PLCB3: variants seen among roughly 807,000 people sequenced by gnomAD.
The protein encoded by PLCB3 is 1-phosphatidylinositol 4,5-bisphosphate phosphodiesterase beta-3.
A neutral mutation model predicts 152.1 loss-of-function variants in PLCB3; 54 were observed. That is an observed-to-expected ratio of 0.36 (90% confidence interval 0.29 to 0.45). The LOEUF (loss-of-function observed/expected upper bound fraction) is 0.45. Among genes scored for constraint, PLCB3 ranks in the 20% least tolerant of loss-of-function variants. The pLI, the probability that PLCB3 is intolerant of heterozygous loss-of-function variation, is 1.00. For synonymous variants in PLCB3, 717 were observed against 698.7 expected, an observed-to-expected ratio of 1.03 and a Z score of -0.41; for missense variants, 1,248 against 1,687.5, an observed-to-expected ratio of 0.74 and a Z score of 4.56.
intron 24 of PLCB3, 26 bp downstream of exon 24, chr11:64,265,253 G>C: frequency 6.3e-7 from 1 of 1,592,052 alleles, no homozygotes; most frequent in South Asian, 1.1e-5. Context: ...CCTGGAGGCA[G>C]GGGGCTGCCT....
chr11:64,256,302 C>T, intron 8 of PLCB3, 74 bp from the exon 9 acceptor site: 1 of 1,436,244 alleles, frequency 7.0e-7, no homozygotes, highest in Non-Finnish European at 9.5e-7. Context: ...ACTCCCTTGC[C>T]CAGGGCAAGG....
chr11:64,262,576 C>T lies in PLCB3; in HGVS notation c.2193+15C>T, dbSNP rs745595911. The stretch of plus-strand genomic sequence containing the variant: ...TGCGGGTCAAGGTGGGGCTTGCGGG[C>T]GGCTCAGGCCAGGGGTGTCCTGGGG... On this transcript the variant is annotated intron_variant, in intron 18 of 30. Coordinates refer to ENST00000279230, the MANE Select transcript of PLCB3 (RefSeq NM_000932.5). 3.5e-5 allele frequency: 56 copies of T among 1,612,536 alleles called. No homozygotes were observed. The South Asian group carries it at 4.5e-4, about 13-fold the overall frequency.
intron 13 of PLCB3, 85 bp from the exon 14 acceptor site, chr11:64,259,944 C>G (rs1322602386): frequency 8.8e-7 from 1 of 1,140,498 alleles, no homozygotes; most frequent in Non-Finnish European, 1.3e-6. Context: ...TGAGTCACCT[C>G]GGCACACACT....
Position 64,262,432 on chromosome 11 carries a change from C to A in PLCB3, c.2064C>A (p.Gly688=), listed in dbSNP as rs561207684. 1 of 1,613,534 alleles carries A rather than the reference C, an allele frequency of 6.2e-7. No homozygotes were observed. The highest frequency in any genetic ancestry group is 8.5e-7 in the Non-Finnish European group (1 of 1,179,858). Residue 688 remains glycine, a synonymous_variant, in exon 18 of 31, where the codon GGC becomes GGA. Coordinates refer to ENST00000279230, the MANE Select transcript of PLCB3 (RefSeq NM_000932.5). ...ATGTGGCGATGCAGCTCAACGCGGG[C>A]GTTTTTGAGTACAACGGGCGCAGCG... ...TLDVAMQLNA[G]VFEYNGRSGY...
At chr11:64,268,534 C>T (rs2032254783), downstream of PLCB3, 1 of 152,318 alleles carries the variant, frequency 6.6e-6, no homozygotes, top group Non-Finnish European at 1.5e-5. Flanking sequence ...AGCCATCTGT[C>T]GTGTGCTAGG....
chr11:64,254,698 C>G, intron 2 of PLCB3, 50 bp from the exon 3 acceptor site: 2 of 1,583,952 alleles, frequency 1.3e-6, no homozygotes, highest in African/African-American at 1.3e-5. Flanking sequence ...AAGCTCCTGG[C>G]TATTGCCCTG....
At position 64,259,264 on chromosome 11, in the gene PLCB3, G is replaced by C; in HGVS notation, c.1525+20G>C. ...AGCTGGGTAGGCCCCAGCCCGGCCC[G>C]CCACCCTGACTTGACCCTAGCCTCT... On this transcript the variant is annotated intron_variant, in intron 13 of 30. Transcript: ENST00000279230. 3 of 1,485,904 alleles carry C rather than the reference G, an allele frequency of 2.0e-6. No individual in the cohort carries two copies. The allele number at this position is 1,485,904 out of a possible 1,614,324, so 92.0% of individuals were successfully genotyped here. A position where few individuals can be genotyped will look rare whatever the true frequency, so the allele number is the denominator to read the frequency against.
chr11:64,263,740 G>A lies in PLCB3; in HGVS notation c.2505G>A (p.Leu835=). 2 of 1,613,484 alleles carry A rather than the reference G, an allele frequency of 1.2e-6. No individual in the cohort carries two copies. Among genetic ancestry groups the A allele is most frequent in the Non-Finnish European group, 1.7e-6 (2 of 1,179,932 alleles). The change falls in exon 21 of 31, where the codon CTG becomes CTA. Residue 835 remains leucine, a synonymous_variant. Coordinates refer to ENST00000279230, the MANE Select transcript of PLCB3 (RefSeq NM_000932.5). Reference sequence around the variant, plus strand: ...ACGAGGCCAACCAACCGCTGTGCCTGCCGGCCCTGCTCATCTACACCGAAG... The same window carrying A: ...ACGAGGCCAACCAACCGCTGTGCCTACCGGCCCTGCTCATCTACACCGAAG... ...LRNEANQPLC[L]PALLIYTEAS...
Position 64,255,627 on chromosome 11 carries a change from T to TGGGGGGG in PLCB3, c.597+15_597+16insGGGGGGG. ...CTCAAATTCAACCGGGTGTGTGGGGTGGGGACAGGGGCGGGGTGGGGTGTC... is the reference window on the plus strand; with the variant it reads ...CTCAAATTCAACCGGGTGTGTGGGGTGGGGGGGGGGGACAGGGGCGGGGTGGGGTGTC... On this transcript the variant is annotated intron_variant, in intron 7 of 30. Transcript: ENST00000279230. This position sits in a 1 kb window ranked among gnomAD's most constrained non-coding sequence, Gnocchi z 6.8. 1 of 536,858 alleles carries TGGGGGGG rather than the reference T, an allele frequency of 1.9e-6. No individual in the cohort carries two copies. Among genetic ancestry groups the TGGGGGGG allele is most frequent in the Non-Finnish European group, 3.5e-6 (1 of 287,228 alleles). The allele number at this position is 536,858 out of a possible 1,614,324, so 33.3% of individuals were successfully genotyped here. A position where few individuals can be genotyped will look rare whatever the true frequency, so the allele number is the denominator to read the frequency against.
intron 8 of PLCB3, 72 bp from the exon 9 acceptor site, chr11:64,256,297 CTTGCCCA>C (rs2031524817): frequency 1.4e-6 from 2 of 1,395,016 alleles, no homozygotes; most frequent in African/African-American, 2.9e-5. Flanking sequence ...TTCTGACTCC[CTTGCCCA>C]GGGCAAGGGC....
rs2032135447 is a variant in PLCB3 at position 64,266,572 on chromosome 11, C to T, written c.3414+20C>T. The T allele has an allele frequency of 6.2e-7, 1 of 1,610,006 alleles. No individual in the cohort carries two copies. Among genetic ancestry groups the T allele is most frequent in the African/African-American group, 1.3e-5 (1 of 74,796 alleles). On this transcript the variant is annotated intron_variant, in intron 29 of 30. Coordinates refer to ENST00000279230, the MANE Select transcript of PLCB3 (RefSeq NM_000932.5). This position sits in a 1 kb window ranked among gnomAD's most constrained non-coding sequence, Gnocchi z 4.9. ...CGTCGGGTGAGTCAGGCTCCCGGGC[C>T]ACCCTACCCCACCTCCCTTCCTTCA...
Position 64,260,029 on chromosome 11 carries a change from G to C in PLCB3, c.1526G>C (p.Gly509Ala), listed in dbSNP as rs750473868. The change falls in exon 14 of 31, where the codon GGG (glycine) becomes GCG (alanine). Residue 509 changes from glycine to alanine, a missense_variant and splice_region_variant. Around this residue, in one of 6 missense-constraint regions of PLCB3, gnomAD observed 105 missense variants for 100.9 expected, o/e 1.04. Coordinates refer to ENST00000279230, the MANE Select transcript of PLCB3 (RefSeq NM_000932.5). ...CACCCTGTGGCCCTGTCCTCTGCAG[G>C]GTCTCCCAGCTCTGACAGCTGCCCA... Reference protein sequence around the residue: ...AATEPSSPQLGSPSSDSCPGL... With the variant: ...AATEPSSPQLASPSSDSCPGL... The C allele has an allele frequency of 1.9e-6, 3 of 1,610,044 alleles. No homozygotes were observed. The highest frequency in any genetic ancestry group is 2.5e-6 in the Non-Finnish European group (3 of 1,178,960).
chr11:64,258,923 C>T lies in PLCB3; in HGVS notation c.1292C>T (p.Ser431Phe). 6.2e-7 allele frequency: 1 copy of T among 1,613,998 alleles called. No individual in the cohort carries two copies. The change falls in exon 12 of 31, where the codon TCC becomes TTC. Residue 431 changes from serine to phenylalanine, a missense_variant. Transcript: ENST00000279230. The surrounding 1 kb of genome is among the most constrained non-coding windows in gnomAD (Gnocchi z 7.2). ...GCAAAGATGGCTGAGTACTGCCGCT[C>T]CATCTTTGGAGACGCGCTACTCATC... ...QQAKMAEYCR[S>F]IFGDALLIEP...
chr11:64,258,085 C>T lies in PLCB3; in HGVS notation c.1013-388C>T, dbSNP rs538414870. On this transcript the variant is annotated intron_variant, in intron 10 of 30. Transcript: ENST00000279230. The surrounding 1 kb of genome is among the most constrained non-coding windows in gnomAD (Gnocchi z 7.2). ...AGGAGAATCGCTTGAACCAGGGAGG[C>T]GGAGGTTGCAGTGAACCGAGGTTGT... is the stretch of plus-strand genomic sequence containing the variant. Among the ~76,000 whole-genome samples, 17 of 149,094 alleles carry T rather than the reference C, an allele frequency of 1.1e-4. No individual in the cohort carries two copies. The highest frequency in any genetic ancestry group is 2.0e-4 in the East Asian group (1 of 5,034).
At chr11:64,257,016 T>TTTTTTTTTTTTTC (rs771872374) in intron 10 of PLCB3, among the ~76,000 whole-genome samples, 7 of 120,670 alleles carry the variant, frequency 5.8e-5, no homozygotes, top group Non-Finnish European at 1.1e-4. Flanking sequence ...TTTTTTTTTT[T>TTTTTTTTTTTTTC]TTTTTGAGAC....
chr11:64,254,446 G>T lies in PLCB3; in HGVS notation c.131G>T (p.Arg44Leu), dbSNP rs775400340. 1 of 1,614,006 alleles carries T rather than the reference G, an allele frequency of 6.2e-7. No individual in the cohort carries two copies. The highest frequency in any genetic ancestry group is 1.7e-5 in the Admixed American group (1 of 60,024). Residue 44 changes from arginine (R) to leucine (L), a missense_variant, in exon 2 of 31, where the codon CGT becomes CTT. Arg to Leu is a moderately radical substitution (Grantham distance 102). Coordinates refer to ENST00000279230, the MANE Select transcript of PLCB3 (RefSeq NM_000932.5). ...TCCAGTCGGAACCTGGTGACCCTGC[G>T]TGTGGACCCCAATGGCTTCTTCTTG... Reference protein sequence around the residue: ...ETSSRNLVTLRVDPNGFFLYW... With the variant: ...ETSSRNLVTLLVDPNGFFLYW...
chr11:64,261,939 C>T lies in PLCB3; in HGVS notation c.1914-13C>T. 1.2e-6 allele frequency: 2 copies of T among 1,613,988 alleles called. No homozygotes were observed. Among genetic ancestry groups the T allele is most frequent in the Non-Finnish European group, 1.7e-6 (2 of 1,179,882 alleles). On this transcript the variant is annotated splice_polypyrimidine_tract_variant and intron_variant, in intron 16 of 30. Transcript: ENST00000279230. ...GCCCTGGCACCTGTGTGGCCCCTGA[C>T]CACCAATCTCAGATACAACAAGCAG... is the stretch of plus-strand genomic sequence containing the variant.
At chr11:64,257,407 G>A (rs2031597740) in intron 10 of PLCB3, among the ~76,000 whole-genome samples, 1 of 152,080 alleles carries the variant, frequency 6.6e-6, no homozygotes, top group Admixed American at 6.6e-5. Context: ...TTGAGCCCAC[G>A]TTTTGAGACC....
At chr11:64,264,620 C>T (rs993556962) in intron 22 of PLCB3, among the ~76,000 whole-genome samples, 2 of 152,132 alleles carry the variant, frequency 1.3e-5, no homozygotes, top group Non-Finnish European at 2.9e-5. Context: ...GGAAAATGAG[C>T]GACTGTAGGC....
Sources: gnomAD v4.1 joint callset for allele counts (sites outside exome capture counted in the v4.1 genomes callset) on GRCh38, gnomAD v4.1.1 for gene constraint, gnomAD v4.1.1 regional missense constraint, Gnocchi (gnomAD v3.1) non-coding constraint, MANE v1.5 for transcripts, NCBI Gene and HGNC (gene_info 2026-07-23, HGNC 2026-07-21) for gene names.